Variants in HTR2A observed in about 807,000 individuals in gnomAD.
The protein encoded by HTR2A is 5-HT2 receptor.
Under a neutral mutation model 31.0 loss-of-function variants are expected in HTR2A, and 14 were observed. The ratio of observed to expected loss-of-function variants is 0.45; its 90% CI spans 0.30 to 0.71. The LOEUF (loss-of-function observed/expected upper bound fraction) is 0.71, where lower values mean the gene tolerates loss of function less well. Ranked by LOEUF, HTR2A falls within the 30% of genes least tolerant of loss-of-function variation. The pLI is 0.09. For synonymous variants in HTR2A, 209 were observed against 225.2 expected (o/e 0.93, Z 0.64); for missense variants, 442 against 573.3 (o/e 0.77, Z 2.34).
intron 3 of HTR2A, among the ~76,000 whole-genome samples, chr13:46,847,797 T>C (rs1166340551): frequency 1.3e-5 from 2 of 152,148 alleles, no homozygotes. Context: ...TTAGTTTGGG[T>C]TTCAGATGCA....
Position 46,834,983 on chromosome 13 carries a change from G to C in HTR2A, c.1270C>G (p.Leu424Val). 6.2e-7 allele frequency: 1 copy of C among 1,614,110 alleles called. No individual in the cohort carries two copies. Among genetic ancestry groups the C allele is most frequent in the Non-Finnish European group, 8.5e-7 (1 of 1,179,974 alleles). Residue 424 changes from leucine to valine, a missense_variant, in exon 4 of 4, where the codon CTT (leucine) becomes GTT (valine). Coordinates refer to ENST00000542664, the MANE Select transcript of HTR2A (RefSeq NM_000621.5). ...IPALAYKSSQ[L>V]QMGQKKNSKQ... ...GAATTCTTTTTTTGTCCCATTTGAA[G>C]TTGGCTAGACTTGTAGGCCAAAGCC...
chr13:46,863,042 C>G (rs903262520), intron 3 of HTR2A, among the ~76,000 whole-genome samples: 11 of 152,152 alleles, frequency 7.2e-5, no homozygotes, highest in African/African-American at 2.4e-4. Context: ...TTACCATGTG[C>G]ATTGGAGAAT....
intron 2 of HTR2A, among the ~76,000 whole-genome samples, chr13:46,894,656 T>C (rs1951086955): frequency 6.6e-6 from 1 of 152,232 alleles, no homozygotes; most frequent in East Asian, 1.9e-4. Context: ...TGCTTGTGCC[T>C]GTGTCAGCAG....
intron 3 of HTR2A, among the ~76,000 whole-genome samples, chr13:46,860,819 G>A (rs1042727156): frequency 6.6e-6 from 1 of 152,144 alleles, no homozygotes; most frequent in Non-Finnish European, 1.5e-5. Flanking sequence ...TTTGCTAATG[G>A]TTTTACATTG....
At chr13:46,863,076 C>A (rs1238428988) in intron 3 of HTR2A, among the ~76,000 whole-genome samples, 1 of 152,130 alleles carries the variant, frequency 6.6e-6, no homozygotes, top group African/African-American at 2.4e-5. Flanking sequence ...AAATAAACTG[C>A]AATTGTGACT....
intron 2 of HTR2A, among the ~76,000 whole-genome samples, chr13:46,893,517 A>T (rs1232794202): frequency 6.6e-6 from 1 of 152,204 alleles, no homozygotes; most frequent in African/African-American, 2.4e-5. Context: ...GAAGGTCCTG[A>T]TGCCCATGCC....
chr13:46,840,031 G>A (rs1394067916), intron 3 of HTR2A, among the ~76,000 whole-genome samples: 3 of 152,162 alleles, frequency 2.0e-5, no homozygotes, highest in Non-Finnish European at 4.4e-5. Flanking sequence ...CCCTCAGCTG[G>A]AAAGGAGGTG....
chr13:46,857,494 T>G (rs1053569121), intron 3 of HTR2A, among the ~76,000 whole-genome samples: 11 of 152,168 alleles, frequency 7.2e-5, no homozygotes, highest in African/African-American at 2.7e-4. Flanking sequence ...ATCTCATTCC[T>G]GAGAGCTCTG....
chr13:46,890,879 C>T (rs1398288760), intron 3 of HTR2A, among the ~76,000 whole-genome samples: 1 of 152,108 alleles, frequency 6.6e-6, no homozygotes, highest in African/African-American at 2.4e-5. Context: ...AATCACCTGG[C>T]CTCACCCTAG....
chr13:46,880,434 A>G (rs575590512), intron 3 of HTR2A, among the ~76,000 whole-genome samples: 64 of 152,310 alleles, frequency 4.2e-4, no homozygotes, highest in African/African-American at 1.3e-3. Context: ...AAATAGCCAG[A>G]AGCAACACAA....
At chr13:46,853,247 C>G (rs1950702237) in intron 3 of HTR2A, among the ~76,000 whole-genome samples, 1 of 152,086 alleles carries the variant, frequency 6.6e-6, no homozygotes, top group African/African-American at 2.4e-5. Flanking sequence ...GAAGGTGGAC[C>G]TTAGGGCAGA....
At chr13:46,852,969 C>G (rs7328886) in intron 3 of HTR2A, among the ~76,000 whole-genome samples, 1 of 150,940 alleles carries the variant, frequency 6.6e-6, no homozygotes, top group Admixed American at 6.6e-5. Flanking sequence ...AGTTCTAGGG[C>G]TTTTTTTTTT....
At chr13:46,853,550 G>GTTT (rs1415902889) in intron 3 of HTR2A, among the ~76,000 whole-genome samples, 1 of 152,176 alleles carries the variant, frequency 6.6e-6, no homozygotes, top group Non-Finnish European at 1.5e-5. Flanking sequence ...GTATCAGGCT[G>GTTT]TTTTAAACCT....
At chr13:46,897,395 C>T (rs1194887351), upstream of HTR2A, among the ~76,000 whole-genome samples, 1 of 152,202 alleles carries the variant, frequency 6.6e-6, no homozygotes, top group East Asian at 1.9e-4. Context: ...GAATTACTGA[C>T]ATTGGCCACA....
chr13:46,895,753 G>A lies in HTR2A; in HGVS notation c.154C>T (p.Arg52Ter), dbSNP rs1222375103. 6.2e-7 allele frequency: 1 copy of A among 1,614,180 alleles called. No homozygotes were observed. The highest frequency in any genetic ancestry group is 8.5e-7 in the Non-Finnish European group (1 of 1,180,026). ...AFNWTVDSEN[R>*]TNLSCEGCLS... The stretch of plus-strand genomic sequence containing the variant: ...CACCCTTCACAGGAAAGGTTGGTTC[G>A]ATTTTCAGAGTCGACTGTCCAGTTA... Residue 52 changes from arginine (R) to a stop codon, truncating the protein, a stop_gained, in exon 2 of 4, where the codon CGA becomes TGA. Coordinates refer to ENST00000542664, the MANE Select transcript of HTR2A (RefSeq NM_000621.5). LOFTEE classifies it high-confidence loss of function. This position sits in a 1 kb window ranked among gnomAD's most constrained non-coding sequence, Gnocchi z 4.4.
intron 3 of HTR2A, among the ~76,000 whole-genome samples, chr13:46,870,780 G>T (rs1012004489): frequency 1.3e-5 from 2 of 152,142 alleles, no homozygotes; most frequent in Non-Finnish European, 2.9e-5. Flanking sequence ...CTAAGCCAGG[G>T]ATTTGAAGAA....
intron 3 of HTR2A, among the ~76,000 whole-genome samples, chr13:46,879,178 TG>T (rs1381909795): frequency 2.0e-5 from 3 of 152,182 alleles, no homozygotes. Flanking sequence ...TGCTCTGTAT[TG>T]GGGAGGAACA....
At chr13:46,858,475 T>G (rs4942578) in intron 3 of HTR2A, among the ~76,000 whole-genome samples, 109,977 of 152,010 alleles carry the variant, frequency 0.72, 40,744 homozygotes, top group Non-Finnish European at 0.82. Flanking sequence ...GGAATAATTC[T>G]TGATGGGTTT....
chr13:46,885,406 G>A (rs1055810116), intron 3 of HTR2A, among the ~76,000 whole-genome samples: 12 of 151,068 alleles, frequency 7.9e-5, no homozygotes, highest in African/African-American at 3.0e-4. Context: ...ATTTCAGACT[G>A]TGGTTAACTG....
Sources: allele counts gnomAD v4.1 joint callset (sites outside exome capture counted in the v4.1 genomes callset), GRCh38; gene constraint gnomAD v4.1.1; non-coding constraint Gnocchi (gnomAD v3.1); transcripts MANE v1.5; gene names NCBI Gene and HGNC (gene_info 2026-07-23, HGNC 2026-07-21).